The following RBPJ variants were observed in gnomAD, a reference collection of about 807,000 sequenced individuals.
RBPJ encodes recombination signal binding protein for immunoglobulin kappa J region, also known as recombining binding protein suppressor of hairless.
A neutral mutation model predicts 67.8 loss-of-function variants in RBPJ; 9 were observed. The observed-to-expected ratio is 0.13, with a 90% CI of 0.08 to 0.23. The LOEUF (loss-of-function observed/expected upper bound fraction) is 0.23. Ranked by LOEUF, RBPJ falls within the 10% of genes least tolerant of loss-of-function variation. RBPJ has a pLI of 1.00. For missense variants in RBPJ, 305 were observed against 595.6 expected (o/e 0.51, Z 5.08); for synonymous variants, 198 against 203.3 (o/e 0.97, Z 0.22).
chr4:26,428,819 A>G lies in RBPJ; in HGVS notation c.847A>G (p.Met283Val). 6.2e-7 allele frequency: 1 copy of G among 1,603,278 alleles called. No individual in the cohort carries two copies. Among genetic ancestry groups the G allele is most frequent in the Non-Finnish European group, 8.5e-7 (1 of 1,170,246 alleles). ...ATTTTACCTTAAGGATACAGAAAGA[A>G]TGTATTTGTGCCTTTCTCAAGAAAG... is the stretch of plus-strand genomic sequence containing the variant. ...CAFYLKDTER[M>V]YLCLSQERII... The change falls in exon 8 of 11, where the codon ATG becomes GTG. Residue 283 changes from methionine to valine, a missense_variant. Around this residue, in one of 7 missense-constraint regions of RBPJ, gnomAD observed 66 missense variants for 226.0 expected, o/e 0.29. Transcript: ENST00000355476.
intron 1 of RBPJ, among the ~76,000 whole-genome samples, chr4:26,371,037 G>A (rs1003799304): frequency 1.3e-5 from 2 of 149,176 alleles, no homozygotes; most frequent in Non-Finnish European, 3.0e-5. Flanking sequence ...CCGAGATTGC[G>A]CCACTGCACT....
intron 1 of RBPJ, among the ~76,000 whole-genome samples, chr4:26,214,049 C>G (rs1718527406): frequency 6.6e-6 from 1 of 151,640 alleles, no homozygotes; most frequent in African/African-American, 2.4e-5. Context: ...TTCTGGGAAG[C>G]CGAGGTGGGA....
intron 1 of RBPJ, among the ~76,000 whole-genome samples, chr4:26,236,500 C>T (rs933840662): frequency 6.6e-6 from 1 of 152,154 alleles, no homozygotes; most frequent in Non-Finnish European, 1.5e-5. Context: ...GCTGGTGGAA[C>T]CACTTCCAAG....
chr4:26,357,945 A>G (rs1359758563), intron 1 of RBPJ, among the ~76,000 whole-genome samples: 1 of 151,994 alleles, frequency 6.6e-6, no homozygotes, highest in African/African-American at 2.4e-5. Flanking sequence ...TGCATATACC[A>G]CATTTAAAAT....
chr4:26,361,299 A>T (rs1252614126), intron 1 of RBPJ, among the ~76,000 whole-genome samples: 1 of 152,138 alleles, frequency 6.6e-6, no homozygotes, highest in Non-Finnish European at 1.5e-5. Context: ...CAGCTTTCTG[A>T]AGAGTGACCT....
rs527569477 is a variant in RBPJ at position 26,168,432 on chromosome 4, T to G, written c.-167+4818T>G. On this transcript the variant is annotated intron_variant, in intron 1 of 4. Coordinates refer to the RBPJ transcript ENST00000512351. ...CTCTTCTGGCTTGTAGAGTTTCTGC[T>G]GAGAGATCTGCTGTTCGTCTGATGG... is the stretch of plus-strand genomic sequence containing the variant. 9.8e-5 allele frequency among the ~76,000 whole-genome samples: 15 copies of G among 152,396 alleles called. No individual in the cohort carries two copies. The South Asian group carries it at 3.1e-3, about 32-fold the overall frequency.
At chr4:26,299,040 T>C (rs1275040273) in intron 1 of RBPJ, among the ~76,000 whole-genome samples, 3 of 152,234 alleles carry the variant, frequency 2.0e-5, no homozygotes, top group Middle Eastern at 3.4e-3. Context: ...CTTGTTTCTC[T>C]CCGATTCCAA....
chr4:26,226,570 G>A (rs143867174), intron 1 of RBPJ, among the ~76,000 whole-genome samples: 3 of 152,194 alleles, frequency 2.0e-5, no homozygotes, highest in Admixed American at 2.0e-4. Flanking sequence ...CTAAAATGGG[G>A]AAATTAAGGC....
chr4:26,387,328 A>T (rs1731018249), intron 2 of RBPJ, among the ~76,000 whole-genome samples: 1 of 152,210 alleles, frequency 6.6e-6, no homozygotes, highest in Non-Finnish European at 1.5e-5. Flanking sequence ...AAATAATGAT[A>T]GTAATGGATT....
chr4:26,235,076 T>C (rs1194975328), intron 1 of RBPJ, among the ~76,000 whole-genome samples: 3 of 152,198 alleles, frequency 2.0e-5, no homozygotes, highest in Non-Finnish European at 2.9e-5. Context: ...ATTTTGCTCA[T>C]TACTAAATCC....
intron 1 of RBPJ, among the ~76,000 whole-genome samples, chr4:26,255,664 T>G (rs1302985815): frequency 6.7e-6 from 1 of 150,192 alleles, no homozygotes; most frequent in African/African-American, 2.4e-5. Flanking sequence ...TAGCCAGGCG[T>G]GGTGGCAGGT....
chr4:26,305,189 G>T (rs1722194798), intron 1 of RBPJ, among the ~76,000 whole-genome samples: 1 of 152,158 alleles, frequency 6.6e-6, no homozygotes, highest in Non-Finnish European at 1.5e-5. Context: ...CTATTCATTT[G>T]ATCTGTAAGT....
the RBPJ span, among the ~76,000 whole-genome samples, chr4:26,138,134 C>T: frequency 6.6e-6 from 1 of 152,226 alleles, no homozygotes; most frequent in Admixed American, 6.5e-5. Flanking sequence ...AGAATGAAGC[C>T]TACACTGTGG....
chr4:26,109,460 C>CTCTATATATA, the RBPJ span, among the ~76,000 whole-genome samples: 3 of 14,706 alleles, frequency 2.0e-4, 1 homozygote, highest in Non-Finnish European at 1.2e-4. Flanking sequence ...CTCTCTCTCT[C>CTCTATATATA]TATATATATA....
chr4:26,230,783 C>T (rs962893722), intron 1 of RBPJ, among the ~76,000 whole-genome samples: 1 of 152,084 alleles, frequency 6.6e-6, no homozygotes, highest in African/African-American at 2.4e-5. Context: ...CACTTTCGAC[C>T]TAGCATCAAA....
intron 1 of RBPJ, among the ~76,000 whole-genome samples, chr4:26,197,740 T>TACA (rs1433926219): frequency 1.3e-5 from 2 of 151,884 alleles, no homozygotes; most frequent in Non-Finnish European, 2.9e-5. Flanking sequence ...CTGATGTGTA[T>TACA]GGGCACCCCT....
chr4:26,158,945 T>TCTCTCTCTC (rs1716025420), upstream of RBPJ, among the ~76,000 whole-genome samples: 36 of 136,728 alleles, frequency 2.6e-4, no homozygotes, highest in African/African-American at 3.1e-4. Context: ...CTCTCTCTCT[T>TCTCTCTCTC]TCTCTCTCTC....
At position 26,374,935 on chromosome 4, in the gene RBPJ, A is replaced by G. The variant is rs185320257; in HGVS notation, c.21-11418A>G. Among the ~76,000 whole-genome samples the G allele has an allele frequency of 6.6e-5, 10 of 152,286 alleles. No individual in the cohort carries two copies. The East Asian group carries it at 1.9e-3, about 29-fold the overall frequency. The stretch of plus-strand genomic sequence containing the variant: ...CATTTTGAACTGAATTTACCAGTAT[A>G]TGAACTTGTGCAAGGTAGTTTCTAA... On this transcript the variant is annotated intron_variant, in intron 1 of 10. Coordinates refer to ENST00000355476, the MANE Select transcript of RBPJ (RefSeq NM_015874.6).
At chr4:26,422,435 C>T (rs974892514) in intron 5 of RBPJ, among the ~76,000 whole-genome samples, 1 of 152,138 alleles carries the variant, frequency 6.6e-6, no homozygotes, top group Non-Finnish European at 1.5e-5. Flanking sequence ...AGGGACTTTG[C>T]CATATCAGCT....
Sources: allele counts gnomAD v4.1 joint callset (sites outside exome capture counted in the v4.1 genomes callset), GRCh38; gene constraint gnomAD v4.1.1; regional missense constraint gnomAD v4.1.1; transcripts MANE v1.5; gene names NCBI Gene and HGNC (gene_info 2026-07-23, HGNC 2026-07-21).